Variants in ATG2A observed in about 807,000 individuals in gnomAD.
ATG2A encodes autophagy-related protein 2 homolog A.
In ATG2A, 103 loss-of-function variants were observed where a neutral mutation model predicts 214.2. The observed-to-expected ratio is 0.48, with a 90% confidence interval of 0.41 to 0.57. The LOEUF (loss-of-function observed/expected upper bound fraction) is 0.57, where lower values mean the gene tolerates loss of function less well. ATG2A is among the 20% of genes least tolerant of loss of function. ATG2A has a pLI of 0.00. For missense variants in ATG2A, 2,312 were observed against 2,613.2 expected (o/e 0.88, Z 2.51); for synonymous variants, 1,160 against 1,142.1 (o/e 1.02, Z -0.32).
rs762975063 is a variant in ATG2A at position 64,917,005 on chromosome 11, T to C, written c.131A>G (p.Lys44Arg). 6.2e-7 allele frequency: 1 copy of C among 1,613,698 alleles called. No homozygotes were observed. Among genetic ancestry groups the C allele is most frequent in the South Asian group, 1.1e-5 (1 of 91,094 alleles). The stretch of plus-strand genomic sequence containing the variant: ...GATGTCTCGCAGGGCAACGCTGCCC[T>C]TGTACAGATCGAGGCTGAGCTGGTC... ...SLDQLSLDLY[K>R]GSVALRDIHL... Residue 44 changes from lysine (K) to arginine (R), a missense_variant, in exon 1 of 41, where the codon AAG becomes AGG. Physicochemically the swap from Lys to Arg is conservative, Grantham distance 26. Transcript: ENST00000377264.
At position 64,910,048 on chromosome 11, in the gene ATG2A, C is replaced by G; in HGVS notation, c.1855G>C (p.Gly619Arg). 2 of 1,580,150 alleles carry G rather than the reference C, an allele frequency of 1.3e-6. No homozygotes were observed. Among genetic ancestry groups the G allele is most frequent in the South Asian group, 2.3e-5 (2 of 87,160 alleles). The change falls in exon 13 of 41, where the codon GGC (glycine) becomes CGC (arginine). Residue 619 changes from glycine (G) to arginine (R), a missense_variant. Transcript: ENST00000377264. Reference sequence around the variant, plus strand: ...TGGCAGGGGCCTCTCACCAGCAGGCCGGCTGGAGGCTCAGCAGGTACGGTG... The same window carrying G: ...TGGCAGGGGCCTCTCACCAGCAGGCGGGCTGGAGGCTCAGCAGGTACGGTG... ...LATVPAEPPA[G>R]LLTEPLPAME...
chr11:64,901,009 G>T lies in ATG2A; in HGVS notation c.4203C>A (p.Gly1401=). 1 of 1,589,230 alleles carries T rather than the reference G, an allele frequency of 6.3e-7. No individual in the cohort carries two copies. Among genetic ancestry groups the T allele is most frequent in the South Asian group, 1.1e-5 (1 of 87,494 alleles). Residue 1401 remains glycine (G), a synonymous_variant, in exon 30 of 41, where the codon GGC becomes GGA. Transcript: ENST00000377264. The part of the protein sequence containing the change: ...VRDGYFSRPI[G]STDLLRAPAH... The stretch of plus-strand genomic sequence containing the variant: ...CAGGTGCCCGCAGCAAGTCCGTGCT[G>T]CCGATCGGCCGTGAGAAGTAACCGT...
In ATG2A at chr11:64,912,413, G is replaced by T; in HGVS notation, c.836C>A (p.Ala279Glu). Residue 279 changes from alanine (A) to glutamate (E), a missense_variant, in exon 7 of 41, where the codon GCG becomes GAG. Coordinates refer to ENST00000377264, the MANE Select transcript of ATG2A (RefSeq NM_015104.3). ...CAGGTGCAGGGAGCCCAGCTGTCCC[G>T]CCACCTCCAACTGGGGGCCAAGGAG... is the stretch of plus-strand genomic sequence containing the variant. ...EAFPGPKLEV[A>E]GQLGSLHLLL... is the part of the protein sequence containing the mutation. The T allele has an allele frequency of 6.5e-7, 1 of 1,548,898 alleles. No individual in the cohort carries two copies. The highest frequency in any genetic ancestry group is 8.7e-7 in the Non-Finnish European group (1 of 1,146,870).
intron 21 of ATG2A, 29 bp from the exon 22 acceptor site, chr11:64,906,222 G>A: frequency 6.2e-7 from 1 of 1,611,130 alleles, no homozygotes; most frequent in African/African-American, 1.3e-5. Flanking sequence ...TCAGGGCAGT[G>A]GGGAGGCCAG....
Position 64,895,452 on chromosome 11 carries a change from A to G in ATG2A, c.5428-10T>C, listed in dbSNP as rs1388841056. 1 of 1,555,554 alleles carries G rather than the reference A, an allele frequency of 6.4e-7. No homozygotes were observed. ...CGGTCTCAGCTGTGGCCTGGGGGAC[A>G]TGGGAGCACTGGATGAGGACAGCTG... On this transcript the variant is annotated splice_polypyrimidine_tract_variant and intron_variant, in intron 39 of 40. Coordinates refer to ENST00000377264, the MANE Select transcript of ATG2A (RefSeq NM_015104.3). This position sits in a 1 kb window ranked among gnomAD's most constrained non-coding sequence, Gnocchi z 5.0.
rs773916517 is a variant in ATG2A, at chr11:64,914,471, C to T, written c.201G>A (p.Glu67=). The T allele has an allele frequency of 1.4e-5, 22 of 1,612,704 alleles. No individual in the cohort carries two copies. In the Admixed American group the frequency reaches 3.7e-4, roughly 27 times the overall value. ...AGCCTTCCACCAGCTCCAGCGGTGACTCCATTGACTCCAGCACCTCGTTCA... is the reference window on the plus strand; with the variant it reads ...AGCCTTCCACCAGCTCCAGCGGTGATTCCATTGACTCCAGCACCTCGTTCA... The part of the protein sequence containing the change: ...WSVNEVLESM[E]SPLELVEGFV... The change falls in exon 2 of 41, where the codon GAG becomes GAA. Residue 67 remains glutamate, a synonymous_variant. Coordinates refer to ENST00000377264, the MANE Select transcript of ATG2A (RefSeq NM_015104.3).
chr11:64,914,768 T>G lies in ATG2A; in HGVS notation c.172-268A>C, dbSNP rs575721901. 5.9e-5 allele frequency among the ~76,000 whole-genome samples: 9 copies of G among 152,210 alleles called. No individual in the cohort carries two copies. In the East Asian group the frequency reaches 1.7e-3, roughly 29 times the overall value. On this transcript the variant is annotated intron_variant, in intron 1 of 40. Coordinates refer to ENST00000377264, the MANE Select transcript of ATG2A (RefSeq NM_015104.3). ...AAGATAATATTTACCGAGCACTTTC[T>G]ACATGCTGACACTGAGACTAGATGG... is the stretch of plus-strand genomic sequence containing the variant.
chr11:64,911,966 C>T lies in ATG2A; in HGVS notation c.1104G>A (p.Met368Ile), dbSNP rs747464713. The T allele has an allele frequency of 6.2e-7, 1 of 1,613,798 alleles. No homozygotes were observed. The highest frequency in any genetic ancestry group is 8.5e-7 in the Non-Finnish European group (1 of 1,179,832). Residue 368 changes from methionine (M) to isoleucine (I), a missense_variant, in exon 9 of 41, where the codon ATG (methionine) becomes ATA (isoleucine). Met to Ile is a conservative substitution (Grantham distance 10, BLOSUM62 1). Transcript: ENST00000377264. ...NLDNTDLFFS[M>I]AGLTSSVASA... is the part of the protein sequence containing the mutation. ...AGGCCACACTGCTTGTGAGGCCAGCCATGGAGAAGAAGAGGTCTGTGGGTG... is the reference window on the plus strand; with the variant it reads ...AGGCCACACTGCTTGTGAGGCCAGCTATGGAGAAGAAGAGGTCTGTGGGTG...
intron 1 of ATG2A, among the ~76,000 whole-genome samples, chr11:64,915,407 T>C (rs1394167489): frequency 6.6e-6 from 1 of 152,146 alleles, no homozygotes; most frequent in Non-Finnish European, 1.5e-5. Context: ...CTCGGGAAAC[T>C]GAGGCCTAGA....
rs1268602951 is a variant in ATG2A, at chr11:64,913,757, G to A, written c.590+64C>T. The A allele has an allele frequency of 4.6e-6, 7 of 1,505,380 alleles. No homozygotes were observed. Among genetic ancestry groups the A allele is most frequent in the Non-Finnish European group, 6.4e-6 (7 of 1,093,090 alleles). 93.3% of individuals were successfully genotyped at this position (1,505,380 alleles called of 1,614,324 possible). A position where few individuals can be genotyped will look rare whatever the true frequency, so the allele number is the denominator to read the frequency against. On this transcript the variant is annotated intron_variant, in intron 4 of 40. Transcript: ENST00000377264. This position sits in a 1 kb window ranked among gnomAD's most constrained non-coding sequence, Gnocchi z 4.3. The stretch of plus-strand genomic sequence containing the variant: ...CCCAGGAACCTAGGCTGCGGGTGGG[G>A]ACCATCCAGCAGCCCCCACTCCCCA...
At position 64,900,913 on chromosome 11, in the gene ATG2A, G is replaced by A. The variant is rs1314255568; in HGVS notation, c.4299C>T (p.Gly1433=). The stretch of plus-strand genomic sequence containing the variant: ...GGCCGGGGTGGGGGCCAAAGTCTCG[G>A]CCCCCATAGAGGTGCCAGACGAGGG... ...EVSLVWHLYG[G]RDFGPHPGHR... is the part of the protein sequence containing the mutation. Residue 1433 remains glycine (G), a synonymous_variant, in exon 30 of 41, where the codon GGC becomes GGT. Coordinates refer to ENST00000377264, the MANE Select transcript of ATG2A (RefSeq NM_015104.3). 5 of 1,567,548 alleles carry A rather than the reference G, an allele frequency of 3.2e-6. No individual in the cohort carries two copies. The highest frequency in any genetic ancestry group is 2.6e-6 in the Non-Finnish European group (3 of 1,156,908).
chr11:64,896,315 C>T (rs770460542), intron 39 of ATG2A, 147 bp downstream of exon 39: 593 of 1,256,206 alleles, frequency 4.7e-4, no homozygotes, highest in Non-Finnish European at 6.0e-4. Context: ...GTCACTTAGC[C>T]TCTCCGTGGC....
chr11:64,910,318 G>GC, intron 12 of ATG2A, 123 bp from the exon 13 acceptor site: 1 of 1,386,214 alleles, frequency 7.2e-7, no homozygotes, highest in South Asian at 1.4e-5. Context: ...AAGAAGGCCT[G>GC]CCCCACCTTT....
In ATG2A at chr11:64,912,636, C is replaced by T. The variant is rs1590657874; in HGVS notation, c.826-213G>A. ...GAGATGGAGTTTCACTCTTGTTGCC[C>T]AGGCTGCAGTGCAGTGGTGCAATCT... On this transcript the variant is annotated intron_variant, in intron 6 of 40. Transcript: ENST00000377264. The T allele has an allele frequency of 3.4e-5, 19 of 553,812 alleles. No individual in the cohort carries two copies. The East Asian group carries it at 5.7e-4, about 17-fold the overall frequency. The allele number at this position is 553,812 out of a possible 1,614,324, so 34.3% of individuals were successfully genotyped here.
Position 64,898,600 on chromosome 11 carries a change from C to T in ATG2A, c.4671+36G>A, listed in dbSNP as rs768857516. ...AAGATGTATCCCCAACGGTCTGGTG[C>T]CCTGCCCCAGGGTGGATGGTGCAGG... On this transcript the variant is annotated intron_variant, in intron 32 of 40. Transcript: ENST00000377264. The surrounding 1 kb of genome is among the most constrained non-coding windows in gnomAD (Gnocchi z 4.5). 67 of 1,601,826 alleles carry T rather than the reference C, an allele frequency of 4.2e-5. 2 individuals carry two copies. The South Asian group carries it at 7.3e-4, about 17-fold the overall frequency.
At position 64,894,589 on chromosome 11, in the gene ATG2A, C is replaced by G. The variant is rs565998317; in HGVS notation, c.*384G>C. 4.0e-6 allele frequency: 2 copies of G among 498,076 alleles called. No homozygotes were observed. Among genetic ancestry groups the G allele is most frequent in the Non-Finnish European group, 7.8e-6 (2 of 254,860 alleles). The allele number at this position is 498,076 out of a possible 1,614,324, so 30.9% of individuals were successfully genotyped here. A position where few individuals can be genotyped will look rare whatever the true frequency, so the allele number is the denominator to read the frequency against. On this transcript the variant is annotated 3_prime_UTR_variant, in exon 41 of 41. Coordinates refer to ENST00000377264, the MANE Select transcript of ATG2A (RefSeq NM_015104.3). ...TCCACTTCATGCAGACACTGACCCA[C>G]GCACTCACGGAGCTTAAAAATAATA...
At chr11:64,909,948 G>A (rs933924763) in intron 13 of ATG2A, 24 bp from the exon 14 acceptor site, 2 of 1,587,334 alleles carry the variant, frequency 1.3e-6, no homozygotes, top group Non-Finnish European at 8.6e-7. Flanking sequence ...GGGGGTCAGA[G>A]CAGCCGTCGG....
rs2136536297 is a variant in ATG2A at position 64,896,583 on chromosome 11, A to G, written c.5306T>C (p.Ile1769Thr). The change falls in exon 39 of 41, where the codon ATT becomes ACT. Residue 1769 changes from isoleucine (I) to threonine (T), a missense_variant. Transcript: ENST00000377264. ...QGFRDLLWLP[I>T]EQYRKDGRLM... is the part of the protein sequence containing the mutation. The stretch of plus-strand genomic sequence containing the variant: ...GCGGCCATCCTTCCTGTACTGCTCA[A>G]TGGGCAGCCACAGCAGGTCCCGGAA... 1.9e-6 allele frequency: 3 copies of G among 1,613,966 alleles called. No homozygotes were observed. Among genetic ancestry groups the G allele is most frequent in the Non-Finnish European group, 2.5e-6 (3 of 1,179,934 alleles).
chr11:64,914,305 A>G, intron 2 of ATG2A, 33 bp downstream of exon 2: 1 of 1,567,234 alleles, frequency 6.4e-7, no homozygotes, highest in Non-Finnish European at 8.6e-7. Context: ...CACTCTCCCC[A>G]CTTGCCTGCC....
Sources: gnomAD v4.1 joint callset for allele counts (sites outside exome capture counted in the v4.1 genomes callset) on GRCh38, gnomAD v4.1.1 for gene constraint, Gnocchi (gnomAD v3.1) non-coding constraint, MANE v1.5 for transcripts, NCBI Gene and HGNC (gene_info 2026-07-23, HGNC 2026-07-21) for gene names.